The following AACS variants were observed in gnomAD, a reference collection of about 807,000 sequenced individuals.
The protein encoded by AACS is acetoacetyl-CoA synthetase, also known as acetoacetate-CoA ligase.
In AACS, 69 loss-of-function variants were observed where a neutral mutation model predicts 83.1. The observed-to-expected ratio is 0.83, with a 90% CI of 0.68 to 1.01. The LOEUF (loss-of-function observed/expected upper bound fraction) is 1.01, where lower values mean the gene tolerates loss of function less well. Among genes scored for constraint, AACS ranks in the 50% least tolerant of loss-of-function variants. The pLI, the probability that AACS is intolerant of heterozygous loss-of-function variation, is 0.00. For missense variants in AACS, 866 were observed against 882.2 expected (o/e 0.98, Z 0.23); for synonymous variants, 333 against 343.4 (o/e 0.97, Z 0.33).
At chr12:125,106,763 G>C (rs2136099915) in intron 7 of AACS, among the ~76,000 whole-genome samples, 1 of 152,298 alleles carries the variant, frequency 6.6e-6, no homozygotes, top group Non-Finnish European at 1.5e-5. Flanking sequence ...CATTTCCAAA[G>C]CCTCCTTCAG....
chr12:125,072,466 C>T (rs989773101), intron 1 of AACS, among the ~76,000 whole-genome samples: 14 of 152,258 alleles, frequency 9.2e-5, no homozygotes, highest in Middle Eastern at 6.8e-3. Flanking sequence ...TTCAGCTCAG[C>T]GGTTGTATTA....
At chr12:125,131,051 G>C (rs57211876) in intron 14 of AACS, among the ~76,000 whole-genome samples, 10,724 of 152,186 alleles carry the variant, frequency 0.07, 1,264 homozygotes, top group African/African-American at 0.24. Flanking sequence ...GCAAGCCTTC[G>C]TTTCCACAAC....
chr12:125,105,650 G>A (rs1343001499), intron 7 of AACS: 1 of 152,204 alleles, frequency 6.6e-6, no homozygotes, highest in Non-Finnish European at 1.5e-5. Flanking sequence ...CGACACCCCA[G>A]GGGCTGGACT....
At position 125,086,383 on chromosome 12, in the gene AACS, G is replaced by A; in HGVS notation, c.412G>A (p.Val138Met). 2 of 1,614,228 alleles carry A rather than the reference G, an allele frequency of 1.2e-6. No individual in the cohort carries two copies. Among genetic ancestry groups the A allele is most frequent in the Non-Finnish European group, 8.5e-7 (1 of 1,180,044 alleles). The change falls in exon 4 of 18, where the codon GTG (valine) becomes ATG (methionine). Residue 138 changes from valine (V) to methionine (M), a missense_variant. Coordinates refer to ENST00000316519, the MANE Select transcript of AACS (RefSeq NM_023928.5). ...KVTFEELRQE[V>M]ALFAAAMRKM... ...GACTTTTGAAGAGCTGAGGCAAGAA[G>A]TGGCTTTGTTTGCAGCAGCAATGAG...
Position 125,130,302 on chromosome 12 carries a change from G to A in AACS, c.1549+842G>A, listed in dbSNP as rs1279397262. ...TGGAATAGTGCCTTCCTGCAGCAGC[G>A]TGGGGCATCCCCCCAGGGGTGGCTC... On this transcript the variant is annotated intron_variant, in intron 14 of 17. Transcript: ENST00000316519. The surrounding 1 kb of genome is among the most constrained non-coding windows in gnomAD (Gnocchi z 4.9). Among the ~76,000 whole-genome samples the A allele has an allele frequency of 1.3e-5, 2 of 152,362 alleles. No individual in the cohort carries two copies. The highest frequency in any genetic ancestry group is 2.4e-5 in the African/African-American group (1 of 41,590).
At chr12:125,086,475 G>A (rs1351109098) in intron 4 of AACS, 32 bp downstream of exon 4, 1 of 1,600,334 alleles carries the variant, frequency 6.2e-7, no homozygotes, top group South Asian at 1.1e-5. Context: ...GATGGTTTGA[G>A]GGAGGAGACC....
In AACS at chr12:125,124,672, T is replaced by G. The variant is rs964657513; in HGVS notation, c.1122-33T>G. The G allele has an allele frequency of 2.5e-6, 4 of 1,611,044 alleles. No homozygotes were observed. In the East Asian group the frequency reaches 6.7e-5, roughly 27 times the overall value. On this transcript the variant is annotated intron_variant, in intron 10 of 17. Coordinates refer to ENST00000316519, the MANE Select transcript of AACS (RefSeq NM_023928.5). ...GCTTTGGTGCAAGAGCCTTGAAGAG[T>G]TTCTGGTGTTTTCTTTCCCGCCTGC...
In AACS at chr12:125,081,607, A is replaced by T. The variant is rs1594583966; in HGVS notation, c.359-4723A>T. ...GGCCATGCGATGCCCTGCTTAAAAA[A>T]ATACATACATGTGCACAATTGCCTT... On this transcript the variant is annotated intron_variant, in intron 3 of 17. Transcript: ENST00000316519. Among the ~76,000 whole-genome samples, 4 of 152,336 alleles carry T rather than the reference A, an allele frequency of 2.6e-5. No homozygotes were observed. The Middle Eastern group carries it at 0.014, about 518-fold the overall frequency.
intron 3 of AACS, among the ~76,000 whole-genome samples, chr12:125,082,682 G>A (rs1294678088): frequency 3.3e-5 from 5 of 152,116 alleles, no homozygotes; most frequent in African/African-American, 4.8e-5. Flanking sequence ...TTAGCTTGGT[G>A]TGGTGGCGGG....
rs900410 is a variant in AACS at position 125,097,845 on chromosome 12, C to T, written c.571-4834C>T. On this transcript the variant is annotated intron_variant, in intron 5 of 17. Transcript: ENST00000316519. The surrounding 1 kb of genome is among the most constrained non-coding windows in gnomAD (Gnocchi z 4.3). ...TCGGGCTGTGCGCCACACCCTTTCACTCCCTTCCCTACCGTTGGCTGTTCT... is the reference window on the plus strand; with the variant it reads ...TCGGGCTGTGCGCCACACCCTTTCATTCCCTTCCCTACCGTTGGCTGTTCT... 0.47 allele frequency among the ~76,000 whole-genome samples: 70,630 copies of T among 151,886 alleles called. 16,828 individuals are homozygous for T. The highest frequency in any genetic ancestry group is 0.65 in the East Asian group (3,333 of 5,164).
At chr12:125,082,161 G>T (rs917296591) in intron 3 of AACS, among the ~76,000 whole-genome samples, 3 of 127,308 alleles carry the variant, frequency 2.4e-5, no homozygotes, top group Non-Finnish European at 4.8e-5. Context: ...GAGCCACTGC[G>T]CCCAGCCTGA....
At position 125,142,570 on chromosome 12, in the gene AACS, A is replaced by T. The variant is rs1343345533; in HGVS notation, c.*341A>T. On this transcript the variant is annotated 3_prime_UTR_variant, in exon 18 of 18. Coordinates refer to ENST00000316519, the MANE Select transcript of AACS (RefSeq NM_023928.5). ...ACTCCTGAGCCAAGGTCTTGTCTTC[A>T]ACCTCCCCGTCCCGTTGTCCCATTT... 1 of 221,424 alleles carries T rather than the reference A, an allele frequency of 4.5e-6. No homozygotes were observed. Among genetic ancestry groups the T allele is most frequent in the Non-Finnish European group, 8.9e-6 (1 of 112,156 alleles). The allele number at this position is 221,424 out of a possible 1,614,324, so 13.7% of individuals were successfully genotyped here.
intron 8 of AACS, among the ~76,000 whole-genome samples, chr12:125,107,514 G>A (rs1360120381): frequency 6.6e-6 from 1 of 152,254 alleles, no homozygotes. Context: ...GGAGGTCACT[G>A]TACAGCGCGG....
At chr12:125,077,854 G>A (rs1018209033) in intron 3 of AACS, among the ~76,000 whole-genome samples, 10 of 152,054 alleles carry the variant, frequency 6.6e-5, no homozygotes, top group Admixed American at 1.3e-4. Context: ...GATTACAGGC[G>A]AGCACCACCA....
intron 3 of AACS, among the ~76,000 whole-genome samples, chr12:125,079,755 C>T (rs1956122819): frequency 6.6e-6 from 1 of 152,094 alleles, no homozygotes; most frequent in Non-Finnish European, 1.5e-5. Context: ...GCCTGCAGCT[C>T]AGTGGTTTTT....
At chr12:125,123,419 C>G (rs1480553126) in intron 10 of AACS, 1 of 152,228 alleles carries the variant, frequency 6.6e-6, no homozygotes, top group African/African-American at 2.4e-5. Flanking sequence ...AGGAGCTAGT[C>G]TCCCTCCCCC....
At chr12:125,127,636 G>A (rs1183860310) in intron 12 of AACS, 1 of 152,194 alleles carries the variant, frequency 6.6e-6, no homozygotes, top group East Asian at 1.9e-4. Context: ...TAGAGATGGG[G>A]TCTCACCATG....
At chr12:125,141,696 CAAAAAAAAAAAAAAGAA>C (rs1957495760) in intron 17 of AACS, 1 of 60,198 alleles carries the variant, frequency 1.7e-5, no homozygotes, top group African/African-American at 5.3e-5. Context: ...GACTCTGTCT[CAAAAAAAAAAAAAAGAA>C]AAAAAAAGAA....
rs1336384137 is a variant in AACS at position 125,113,262 on chromosome 12, TG to T, written c.916-1212del. 6.6e-6 allele frequency among the ~76,000 whole-genome samples: 1 copy of T among 152,224 alleles called. No individual in the cohort carries two copies. Among genetic ancestry groups the T allele is most frequent in the African/African-American group, 2.4e-5 (1 of 41,462 alleles). ...TGGGTATAATGAGGGCCTTCATGGC[TG>T]GGTTTTAATATATAAGTCCTTGCTT... On this transcript the variant is annotated intron_variant, in intron 8 of 17. Coordinates refer to ENST00000316519, the MANE Select transcript of AACS (RefSeq NM_023928.5). This position sits in a 1 kb window ranked among gnomAD's most constrained non-coding sequence, Gnocchi z 4.8.
Sources: gnomAD v4.1 joint callset for allele counts (sites outside exome capture counted in the v4.1 genomes callset) on GRCh38, gnomAD v4.1.1 for gene constraint, Gnocchi (gnomAD v3.1) non-coding constraint, MANE v1.5 for transcripts, NCBI Gene and HGNC (gene_info 2026-07-23, HGNC 2026-07-21) for gene names.